Variants in SHISA5 observed in about 807,000 individuals in gnomAD.
The protein encoded by SHISA5 is shisa family member 5.
A neutral mutation model predicts 27.5 loss-of-function variants in SHISA5; 21 were observed. The observed-to-expected ratio is 0.76, with a 90% CI of 0.54 to 1.10. The LOEUF (loss-of-function observed/expected upper bound fraction) is 1.10. Among genes scored for constraint, SHISA5 ranks in the 50% least tolerant of loss-of-function variants. SHISA5 has a pLI of 0.00. For synonymous variants in SHISA5, 137 were observed against 142.2 expected, an observed-to-expected ratio of 0.96 and a Z score of 0.26; for missense variants, 314 against 336.3, an observed-to-expected ratio of 0.93 and a Z score of 0.52.
At position 48,473,651 on chromosome 3, in the gene SHISA5, C is replaced by G. The variant is rs1560120513; in HGVS notation, c.315-3808G>C. 1 of 1,165,134 alleles carries G rather than the reference C, an allele frequency of 8.6e-7. No individual in the cohort carries two copies. Among genetic ancestry groups the G allele is most frequent in the Non-Finnish European group, 1.1e-6 (1 of 923,718 alleles). The allele number at this position is 1,165,134 out of a possible 1,614,324, so 72.2% of individuals were successfully genotyped here. A position where few individuals can be genotyped will look rare whatever the true frequency, so the allele number is the denominator to read the frequency against. ...AAGGTCCATCATGTCACCACCTGCT[C>G]AAACGCCAGCTATGGCTCCTGTAGC... On this transcript the variant is annotated intron_variant, in intron 3 of 5. Transcript: ENST00000296444. This position sits in a 1 kb window ranked among gnomAD's most constrained non-coding sequence, Gnocchi z 4.3.
chr3:48,503,913 T>TG (rs1312764730), intron 1 of SHISA5, 106 bp downstream of exon 1: 2 of 1,325,284 alleles, frequency 1.5e-6, no homozygotes, highest in Non-Finnish European at 1.9e-6. Flanking sequence ...CAGGGGTCAG[T>TG]GGGGGGCATA....
intron 2 of SHISA5, among the ~76,000 whole-genome samples, chr3:48,488,862 AGAAAT>A (rs2041334399): frequency 6.6e-6 from 1 of 151,700 alleles, no homozygotes; most frequent in South Asian, 2.1e-4. Context: ...GTGAAAAAAG[AGAAAT>A]GAATTGTTAA....
At chr3:48,480,673 C>T (rs944941166) in intron 2 of SHISA5, among the ~76,000 whole-genome samples, 25 of 151,634 alleles carry the variant, frequency 1.6e-4, no homozygotes, top group South Asian at 2.1e-4. Flanking sequence ...GCAGGAGAAT[C>T]GCTTGAACCC....
Position 48,468,217 on chromosome 3 carries a change from A to T in SHISA5, c.*890T>A. 1.0e-6 allele frequency: 1 copy of T among 1,002,518 alleles called. No individual in the cohort carries two copies. Among genetic ancestry groups the T allele is most frequent in the East Asian group, 1.0e-4 (1 of 9,796 alleles). The allele number at this position is 1,002,518 out of a possible 1,614,324, so 62.1% of individuals were successfully genotyped here. A position where few individuals can be genotyped will look rare whatever the true frequency, so the allele number is the denominator to read the frequency against. On this transcript the variant is annotated 3_prime_UTR_variant, in exon 6 of 6. Transcript: ENST00000296444. Reference sequence around the variant, plus strand: ...ACCCAGGGGTTTCAGTCTCATATCAACTATCATGTTTGAAACAGAAAACAG... The same window carrying T: ...ACCCAGGGGTTTCAGTCTCATATCATCTATCATGTTTGAAACAGAAAACAG...
At chr3:48,488,386 C>A (rs1336882272) in intron 2 of SHISA5, among the ~76,000 whole-genome samples, 1 of 151,234 alleles carries the variant, frequency 6.6e-6, no homozygotes. Context: ...CACCACCATG[C>A]CCGGCTAACT....
upstream of SHISA5, chr3:48,504,235 C>CAGGAGG: frequency 2.6e-6 from 1 of 382,088 alleles, no homozygotes; most frequent in Non-Finnish European, 4.6e-6. The surrounding 1 kb of genome is among the most constrained non-coding windows in gnomAD (Gnocchi z 4.0). Flanking sequence ...TCCGGGGGAG[C>CAGGAGG]AGGAGGAGGA....
At chr3:48,471,266 G>A (rs1050219849) in intron 3 of SHISA5, among the ~76,000 whole-genome samples, 3 of 151,910 alleles carry the variant, frequency 2.0e-5, no homozygotes, top group Non-Finnish European at 2.9e-5. Flanking sequence ...TTCCCTCCTC[G>A]GCCTCTCAAA....
intron 3 of SHISA5, among the ~76,000 whole-genome samples, chr3:48,478,435 T>C (rs116313450): frequency 0.025 from 3,752 of 152,180 alleles, 65 homozygotes; most frequent in Non-Finnish European, 0.037. Context: ...GCAGACCTTT[T>C]CTTTAAGCGG....
chr3:48,475,441 G>A (rs936829379), intron 3 of SHISA5, among the ~76,000 whole-genome samples: 4 of 152,134 alleles, frequency 2.6e-5, no homozygotes, highest in Admixed American at 1.3e-4. Flanking sequence ...GAACTCGGCG[G>A]CCTCCAAGAA....
intron 1 of SHISA5, chr3:48,503,808 G>T (rs1233067125): frequency 2.4e-6 from 3 of 1,256,978 alleles, no homozygotes; most frequent in Non-Finnish European, 3.0e-6. Context: ...GGTGGCAGCT[G>T]CCTGGTGTCT....
chr3:48,494,615 G>A (rs2041501606), intron 2 of SHISA5, among the ~76,000 whole-genome samples: 1 of 147,466 alleles, frequency 6.8e-6, no homozygotes, highest in South Asian at 2.1e-4. Context: ...TTTTAAGGCT[G>A]AATAGTATTT....
chr3:48,486,961 G>T (rs1430837913), intron 2 of SHISA5, among the ~76,000 whole-genome samples: 1 of 151,072 alleles, frequency 6.6e-6, no homozygotes, highest in African/African-American at 2.4e-5. Context: ...AAAACCCACA[G>T]GTGGCCAGGT....
chr3:48,500,974 G>A (rs948721352), intron 2 of SHISA5, among the ~76,000 whole-genome samples, 163 bp downstream of exon 2: 1 of 152,132 alleles, frequency 6.6e-6, no homozygotes, highest in Non-Finnish European at 1.5e-5. Flanking sequence ...GGTCTAGGGG[G>A]TCCAGCCCAG....
chr3:48,501,454 C>T (rs2041753414), intron 1 of SHISA5, among the ~76,000 whole-genome samples, 161 bp from the exon 2 acceptor site: 1 of 152,128 alleles, frequency 6.6e-6, no homozygotes, highest in Non-Finnish European at 1.5e-5. Flanking sequence ...CTGGCCACTG[C>T]TCCCCCTCAG....
chr3:48,490,702 GA>G (rs1372451051), intron 2 of SHISA5, among the ~76,000 whole-genome samples: 1 of 151,604 alleles, frequency 6.6e-6, no homozygotes, highest in East Asian at 1.9e-4. Flanking sequence ...AAGAGACAAG[GA>G]AAAAAAATCA....
chr3:48,468,271 AAC>A lies in SHISA5; in HGVS notation c.*834_*835del, dbSNP rs1009575164. 2 of 1,000,792 alleles carry A rather than the reference AAC, an allele frequency of 2.0e-6. No homozygotes were observed. Among genetic ancestry groups the A allele is most frequent in the African/African-American group, 3.5e-5 (2 of 57,358 alleles). The allele number at this position is 1,000,792 out of a possible 1,614,324, so 62.0% of individuals were successfully genotyped here. On this transcript the variant is annotated 3_prime_UTR_variant, in exon 6 of 6. Coordinates refer to ENST00000296444, the MANE Select transcript of SHISA5 (RefSeq NM_016479.6). ...AAATGTTTGGCTAAAATAAAATGAA[AAC>A]ACTGCAGGGAAGAGAACTGAGTGTG...
At chr3:48,486,663 C>G (rs1338054986) in intron 2 of SHISA5, among the ~76,000 whole-genome samples, 1 of 140,164 alleles carries the variant, frequency 7.1e-6, no homozygotes, top group Non-Finnish European at 1.5e-5. Flanking sequence ...GAGGCGGAGG[C>G]GGGTGGATCA....
Position 48,469,217 on chromosome 3 carries a change from G to C in SHISA5, c.644-31C>G. 1 of 1,606,626 alleles carries C rather than the reference G, an allele frequency of 6.2e-7. No individual in the cohort carries two copies. On this transcript the variant is annotated intron_variant, in intron 5 of 5. Transcript: ENST00000296444. The surrounding 1 kb of genome is among the most constrained non-coding windows in gnomAD (Gnocchi z 4.6). ...AGCAGAGAGGACCCTGGTTGGCTGTGAGCATGGTGGGCTGCCGTGTGAGTG... is the reference window on the plus strand; with the variant it reads ...AGCAGAGAGGACCCTGGTTGGCTGTCAGCATGGTGGGCTGCCGTGTGAGTG...
intron 2 of SHISA5, among the ~76,000 whole-genome samples, chr3:48,485,454 C>T (rs2041172554): frequency 6.7e-6 from 1 of 149,574 alleles, no homozygotes; most frequent in South Asian, 2.1e-4. Context: ...AAGATCGTGC[C>T]ATTGCACTTG....
Sources: allele counts gnomAD v4.1 joint callset (sites outside exome capture counted in the v4.1 genomes callset), GRCh38; gene constraint gnomAD v4.1.1; non-coding constraint Gnocchi (gnomAD v3.1); transcripts MANE v1.5; gene names NCBI Gene and HGNC (gene_info 2026-07-23, HGNC 2026-07-21).